GALNT8: variants seen among roughly 807,000 people sequenced by gnomAD.
The protein encoded by GALNT8 is polypeptide N-acetylgalactosaminyltransferase 8.
Under a neutral mutation model 62.7 loss-of-function variants are expected in GALNT8, and 66 were observed. That is an observed-to-expected ratio of 1.05 (90% CI 0.86 to 1.29). The LOEUF (loss-of-function observed/expected upper bound fraction) is 1.29, where lower values mean the gene tolerates loss of function less well. Among genes scored for constraint, GALNT8 ranks in the 50% most tolerant of loss-of-function variants. The pLI is 0.00. For synonymous variants in GALNT8, 288 were observed against 294.3 expected, an observed-to-expected ratio of 0.98 and a Z score of 0.22; for missense variants, 771 against 791.8, an observed-to-expected ratio of 0.97 and a Z score of 0.32.
chr12:4,763,460 G>T, intron 8 of GALNT8, 70 bp downstream of exon 8: 1 of 1,290,716 alleles, frequency 7.7e-7, no homozygotes. Flanking sequence ...CCTGAATCTC[G>T]TGATTGCCTG....
chr12:4,766,017 C>T (rs1223348369), intron 10 of GALNT8, among the ~76,000 whole-genome samples: 3 of 152,146 alleles, frequency 2.0e-5, no homozygotes, highest in East Asian at 1.9e-4. Flanking sequence ...GTGATCCGCC[C>T]GACTCAGCCT....
intron 10 of GALNT8, among the ~76,000 whole-genome samples, chr12:4,770,983 G>T (rs960197157): frequency 6.6e-6 from 1 of 152,234 alleles, no homozygotes; most frequent in African/African-American, 2.4e-5. Context: ...GGGAACAGAG[G>T]GGGGCTGCTG....
chr12:4,735,386 C>T (rs1446998733), intron 2 of GALNT8, among the ~76,000 whole-genome samples: 1 of 146,900 alleles, frequency 6.8e-6, no homozygotes, highest in Non-Finnish European at 1.5e-5. Flanking sequence ...CTTATGGAAA[C>T]TTCTCAAGGT....
chr12:4,754,074 T>A (rs1350368491), intron 6 of GALNT8, among the ~76,000 whole-genome samples: 2 of 152,146 alleles, frequency 1.3e-5, no homozygotes, highest in African/African-American at 4.8e-5. Context: ...TACCTAAAGC[T>A]GGGGGTGGAG....
chr12:4,740,671 G>A (rs942747936), intron 3 of GALNT8, among the ~76,000 whole-genome samples: 7 of 152,150 alleles, frequency 4.6e-5, no homozygotes, highest in African/African-American at 1.7e-4. Context: ...TGGTTTGCCT[G>A]CCTCGGCCTC....
At position 4,726,837 on chromosome 12, in the gene GALNT8, G is replaced by A. The variant is rs1946198745; in HGVS notation, c.509+8G>A. 1.9e-5 allele frequency: 31 copies of A among 1,603,356 alleles called. No homozygotes were observed. The highest frequency in any genetic ancestry group is 2.6e-5 in the Non-Finnish European group (31 of 1,173,786). On this transcript the variant is annotated splice_region_variant and intron_variant, in intron 2 of 10. Coordinates refer to ENST00000252318, the MANE Select transcript of GALNT8 (RefSeq NM_017417.2). The surrounding 1 kb of genome is among the most constrained non-coding windows in gnomAD (Gnocchi z 4.1). ...CGACACGCGAGACTACAGGTGGGAT[G>A]AACCAGGCTTGGGCTTCTAGGGTCC...
chr12:4,767,095 A>T (rs1346747483), intron 10 of GALNT8, among the ~76,000 whole-genome samples: 1 of 151,936 alleles, frequency 6.6e-6, no homozygotes, highest in East Asian at 1.9e-4. Flanking sequence ...TGCAGGTATT[A>T]TTCCCTCCCC....
At chr12:4,734,408 G>A (rs1052906904) in intron 2 of GALNT8, among the ~76,000 whole-genome samples, 2 of 152,126 alleles carry the variant, frequency 1.3e-5, no homozygotes, top group African/African-American at 4.8e-5. Context: ...ACTTTAACAA[G>A]ATCCCCAAGT....
intron 1 of GALNT8, among the ~76,000 whole-genome samples, chr12:4,724,914 A>G (rs1413221596): frequency 6.6e-6 from 1 of 152,150 alleles, no homozygotes; most frequent in Non-Finnish European, 1.5e-5. Context: ...TTGCCAAGCC[A>G]TGTGCTGTGG....
Position 4,744,514 on chromosome 12 carries a change from C to A in GALNT8, c.677-3C>A. ...TTTCTATAGGTGTGCACTTGATTGA[C>A]AGGAGAACTAAAGGTACACTTGGAT... On this transcript the variant is annotated splice_region_variant and splice_polypyrimidine_tract_variant and intron_variant, in intron 3 of 10. Transcript: ENST00000252318. 6.3e-7 allele frequency: 1 copy of A among 1,597,488 alleles called. No homozygotes were observed. Among genetic ancestry groups the A allele is most frequent in the Non-Finnish European group, 8.5e-7 (1 of 1,170,208 alleles).
At chr12:4,763,840 C>G in intron 8 of GALNT8, 112 bp from the exon 9 acceptor site, 1 of 696,852 alleles carries the variant, frequency 1.4e-6, no homozygotes, top group South Asian at 1.6e-5. Flanking sequence ...CTCCTTGTGG[C>G]TGGTCGTTCC....
At chr12:4,754,094 C>T (rs1946333728) in intron 6 of GALNT8, among the ~76,000 whole-genome samples, 1 of 152,120 alleles carries the variant, frequency 6.6e-6, no homozygotes, top group Non-Finnish European at 1.5e-5. Flanking sequence ...GTGACACAAG[C>T]AACCCCGTGA....
chr12:4,740,841 C>T (rs922896282), intron 3 of GALNT8, among the ~76,000 whole-genome samples: 4 of 152,222 alleles, frequency 2.6e-5, no homozygotes, highest in African/African-American at 9.7e-5. Flanking sequence ...CAACATCCTA[C>T]AGCTGGTAAG....
At chr12:4,763,460 G>A (rs938417191) in intron 8 of GALNT8, 70 bp downstream of exon 8, 3 of 1,290,716 alleles carry the variant, frequency 2.3e-6, no homozygotes, top group Non-Finnish European at 3.3e-6. Context: ...CCTGAATCTC[G>A]TGATTGCCTG....
chr12:4,756,506 C>G (rs1008218705), intron 6 of GALNT8, among the ~76,000 whole-genome samples: 1 of 152,178 alleles, frequency 6.6e-6, no homozygotes, highest in Non-Finnish European at 1.5e-5. Context: ...GTAACAAACA[C>G]TGACCCTGAG....
chr12:4,722,406 TG>T (rs1192240872), intron 1 of GALNT8, among the ~76,000 whole-genome samples: 1 of 152,208 alleles, frequency 6.6e-6, no homozygotes, highest in Non-Finnish European at 1.5e-5. Flanking sequence ...TAAATGGAGA[TG>T]ATGATAACAA....
At chr12:4,746,628 T>C (rs10744661) in intron 6 of GALNT8, among the ~76,000 whole-genome samples, 152,258 of 152,308 alleles carry the variant, frequency 1, 76,104 homozygotes, top group Non-Finnish European at 1. Context: ...GCAGCGTGAC[T>C]AGGGAATGCA....
At position 4,744,688 on chromosome 12, in the gene GALNT8, T is replaced by G; in HGVS notation, c.848T>G (p.Val283Gly). The G allele has an allele frequency of 6.2e-7, 1 of 1,610,844 alleles. No homozygotes were observed. The highest frequency in any genetic ancestry group is 1.1e-5 in the South Asian group (1 of 90,768). ...VVAILDAHIE[V>G]NVGWAEPILA... is the part of the protein sequence containing the mutation. ...GCCATCTTGGATGCTCACATTGAAG[T>G]CAATGTTGGGTGGTAAGGCTCAAAG... The change falls in exon 4 of 11, where the codon GTC (valine) becomes GGC (glycine). Residue 283 changes from valine to glycine, a missense_variant. By Grantham distance (109) the Val-to-Gly change is moderately radical (BLOSUM62 -3). Transcript: ENST00000252318.
intron 9 of GALNT8, 117 bp from the exon 10 acceptor site, chr12:4,765,262 T>A (rs983195344): frequency 1.3e-5 from 11 of 822,238 alleles, no homozygotes; most frequent in Non-Finnish European, 2.0e-5. Flanking sequence ...TTGGTGTGAC[T>A]GGGTGTCTAG....
Sources: gnomAD v4.1 joint callset for allele counts (sites outside exome capture counted in the v4.1 genomes callset) on GRCh38, gnomAD v4.1.1 for gene constraint, Gnocchi (gnomAD v3.1) non-coding constraint, MANE v1.5 for transcripts, NCBI Gene and HGNC (gene_info 2026-07-23, HGNC 2026-07-21) for gene names.